The following ABR variants were observed in gnomAD, a reference collection of about 807,000 sequenced individuals.
The protein encoded by ABR is active breakpoint cluster region-related protein.
ABR carries 35 observed loss-of-function variants against 107.2 expected under a neutral mutation model. The observed-to-expected ratio is 0.33, with a 90% CI of 0.25 to 0.43. The LOEUF (loss-of-function observed/expected upper bound fraction) is 0.43, where lower values mean the gene tolerates loss of function less well. Ranked by LOEUF, ABR falls within the 20% of genes least tolerant of loss-of-function variation. The pLI is 1.00. For synonymous variants in ABR, 498 were observed against 462.0 expected, an observed-to-expected ratio of 1.08 and a Z score of -1.00; for missense variants, 815 against 1,115.2, an observed-to-expected ratio of 0.73 and a Z score of 3.83.
upstream of ABR, among the ~76,000 whole-genome samples, chr17:1,187,852 C>A (rs1377318317): frequency 6.6e-6 from 1 of 151,808 alleles, no homozygotes; most frequent in African/African-American, 2.4e-5. Flanking sequence ...CGAGATCATG[C>A]CACCGCACTC....
At chr17:1,061,561 G>C (rs79616683) in intron 10 of ABR, among the ~76,000 whole-genome samples, 3 of 17,194 alleles carry the variant, frequency 1.7e-4, no homozygotes, top group Non-Finnish European at 3.6e-4. Context: ...TTTTTTTTTT[G>C]AGATGGAGTC....
At chr17:1,033,909 A>C (rs1440238150) in intron 16 of ABR, among the ~76,000 whole-genome samples, 2 of 149,548 alleles carry the variant, frequency 1.3e-5, no homozygotes, top group African/African-American at 4.9e-5. Context: ...CCACAAAGCC[A>C]TCTCCTCCAG....
chr17:1,092,457 CA>C lies in ABR; in HGVS notation c.346-608del, dbSNP rs2037099582. Among the ~76,000 whole-genome samples, 1 of 152,132 alleles carries C rather than the reference CA, an allele frequency of 6.6e-6. No individual in the cohort carries two copies. Among genetic ancestry groups the C allele is most frequent in the Admixed American group, 6.5e-5 (1 of 15,278 alleles). ...TGATGGTCCTTCCCACTGCGCATGG[CA>C]GGGGTCTCCAGTCTCAGACTCTTTC... is the stretch of plus-strand genomic sequence containing the variant. On this transcript the variant is annotated intron_variant, in intron 3 of 22. Coordinates refer to ENST00000302538, the MANE Select transcript of ABR (RefSeq NM_021962.5). This position sits in a 1 kb window ranked among gnomAD's most constrained non-coding sequence, Gnocchi z 4.6.
intron 14 of ABR, among the ~76,000 whole-genome samples, chr17:1,054,835 C>T (rs914594419): frequency 6.6e-6 from 1 of 152,134 alleles, no homozygotes; most frequent in South Asian, 2.1e-4. Flanking sequence ...GCTGCTCTAA[C>T]GGCCCGGGGA....
intron 1 of ABR, among the ~76,000 whole-genome samples, chr17:1,211,561 T>G (rs978340675): frequency 6.6e-6 from 1 of 152,216 alleles, no homozygotes; most frequent in Non-Finnish European, 1.5e-5. Flanking sequence ...ATTTCCTCAT[T>G]AATCCCCACA....
At position 1,212,887 on chromosome 17, in the gene ABR, T is replaced by TA. The variant is rs879916039; in HGVS notation, c.838+15905dup. ...CTGGGCAACAGAGTGAGACACTGTC[T>TA]AAAAAAAAAAAAGAGAGAGAGAGAT... On this transcript the variant is annotated intron_variant, in intron 1 of 22. Transcript: ENST00000574139. Among the ~76,000 whole-genome samples, 675 of 140,626 alleles carry TA rather than the reference T, an allele frequency of 4.8e-3. 3 individuals are homozygous for TA. The highest frequency in any genetic ancestry group is 0.015 in the African/African-American group (583 of 38,298). 92.3% of individuals were successfully genotyped at this position (140,626 alleles called of 152,430 possible).
chr17:1,078,830 G>A lies in ABR; in HGVS notation c.700+500C>T, dbSNP rs529318982. 4.6e-6 allele frequency: 7 copies of A among 1,535,620 alleles called. No individual in the cohort carries two copies. Among genetic ancestry groups the A allele is most frequent in the Middle Eastern group, 1.7e-4 (1 of 5,990 alleles). ...CTGGGTTACCATAGGTGCAGTTACA[G>A]CAGAAGCGAATAATGAGGAGAATCT... On this transcript the variant is annotated intron_variant, in intron 6 of 22. Transcript: ENST00000302538. This position sits in a 1 kb window ranked among gnomAD's most constrained non-coding sequence, Gnocchi z 7.5.
At chr17:1,055,717 C>T (rs11868663) in intron 14 of ABR, 124 of 265,920 alleles carry the variant, frequency 4.7e-4, no homozygotes, top group African/African-American at 1.7e-3. Context: ...TTAGTAGAGA[C>T]GGGGTTTCAC....
intron 16 of ABR, among the ~76,000 whole-genome samples, chr17:1,041,665 G>A (rs973721528): frequency 1.8e-4 from 28 of 152,252 alleles, no homozygotes; most frequent in African/African-American, 6.5e-4. Context: ...CCCGGGAGAC[G>A]GAGGTTGCAG....
exon 1 of ABR, chr17:1,229,029 C>T (rs2043281051): frequency 1.3e-5 from 2 of 151,734 alleles, no homozygotes; most frequent in Non-Finnish European, 1.5e-5. Context: ...CCGCCGCCCC[C>T]CGGGGATCAG....
chr17:1,203,580 C>A (rs553582001), intron 1 of ABR, among the ~76,000 whole-genome samples: 2 of 152,062 alleles, frequency 1.3e-5, no homozygotes, highest in East Asian at 3.9e-4. Flanking sequence ...GTCCTCCAGG[C>A]GCGGTTAATC....
At chr17:1,194,548 G>C (rs1222550937) in intron 1 of ABR, among the ~76,000 whole-genome samples, 2 of 128,200 alleles carry the variant, frequency 1.6e-5, no homozygotes, top group Non-Finnish European at 3.3e-5. Context: ...CTGGAGTGTA[G>C]TGGTGCAATC....
intron 1 of ABR, among the ~76,000 whole-genome samples, chr17:1,144,575 T>C (rs1287688597): frequency 7.0e-6 from 1 of 142,660 alleles, no homozygotes; most frequent in Non-Finnish European, 1.5e-5. Context: ...AATAACGCGT[T>C]CAGTCAATCA....
intron 1 of ABR, among the ~76,000 whole-genome samples, chr17:1,152,584 T>C (rs576360867): frequency 1.3e-5 from 2 of 150,312 alleles, no homozygotes; most frequent in Admixed American, 6.6e-5. Context: ...AGAGTGAAAC[T>C]CTGTCTCAAA....
chr17:1,131,969 C>T (rs1253989222), intron 1 of ABR, among the ~76,000 whole-genome samples: 1 of 120,852 alleles, frequency 8.3e-6, no homozygotes, highest in Non-Finnish European at 1.8e-5. Flanking sequence ...GTGCCTGCCA[C>T]GCGCACAGCT....
chr17:1,059,798 G>C (rs1464710009), intron 10 of ABR, among the ~76,000 whole-genome samples: 1 of 152,194 alleles, frequency 6.6e-6, no homozygotes, highest in African/African-American at 2.4e-5. Flanking sequence ...ATGGTGTTTT[G>C]TTCTTTTTAA....
chr17:1,087,103 G>C (rs1187026616), intron 4 of ABR, among the ~76,000 whole-genome samples: 2 of 152,180 alleles, frequency 1.3e-5, no homozygotes, highest in Non-Finnish European at 2.9e-5. Context: ...TTCTTCATTA[G>C]AAGGTTCTGC....
intron 2 of ABR, among the ~76,000 whole-genome samples, chr17:1,114,910 G>A (rs2038913870): frequency 6.6e-6 from 1 of 152,234 alleles, no homozygotes; most frequent in African/African-American, 2.4e-5. Flanking sequence ...AGCACCTACT[G>A]TGTGCCAGGC....
Position 1,091,853 on chromosome 17 carries a change from G to A in ABR, c.346-3C>T, listed in dbSNP as rs374136551. 1.9e-6 allele frequency: 3 copies of A among 1,611,394 alleles called. No individual in the cohort carries two copies. Among genetic ancestry groups the A allele is most frequent in the African/African-American group, 2.7e-5 (2 of 74,864 alleles). On this transcript the variant is annotated splice_region_variant and splice_polypyrimidine_tract_variant and intron_variant, in intron 3 of 22. Transcript: ENST00000302538. ...GTGGCCTTCAGGGGTTTCATGGGCT[G>A]GGAGAAACAGAGGAAGAAAGAGCAG...
Sources: allele counts gnomAD v4.1 joint callset (sites outside exome capture counted in the v4.1 genomes callset), GRCh38; gene constraint gnomAD v4.1.1; non-coding constraint Gnocchi (gnomAD v3.1); transcripts MANE v1.5; gene names NCBI Gene and HGNC (gene_info 2026-07-23, HGNC 2026-07-21).